The following CD8B variants were observed in gnomAD, a reference collection of about 807,000 sequenced individuals.
CD8B encodes T-cell surface glycoprotein CD8 beta chain.
A neutral mutation model predicts 24.2 loss-of-function variants in CD8B; 6 were observed. The ratio of observed to expected loss-of-function variants is 0.25; its 90% CI spans 0.14 to 0.49. CD8B has a LOEUF of 0.49. CD8B is among the 20% of genes least tolerant of loss of function. CD8B has a pLI of 0.98. For missense variants in CD8B, 196 were observed against 271.3 expected, an observed-to-expected ratio of 0.72 and a Z score of 1.95; for synonymous variants, 84 against 108.3, an observed-to-expected ratio of 0.78 and a Z score of 1.39.
intron 3 of CD8B, among the ~76,000 whole-genome samples, chr2:86,848,322 T>C (rs1034720114): frequency 2.0e-5 from 3 of 152,274 alleles, no homozygotes; most frequent in Admixed American, 1.3e-4. Context: ...GTTATTTCAC[T>C]TAAATTCCCT....
chr2:86,856,586 C>T (rs1454555535), intron 2 of CD8B, among the ~76,000 whole-genome samples: 5 of 151,928 alleles, frequency 3.3e-5, no homozygotes, highest in African/African-American at 1.2e-4. Context: ...GGTCTAATTT[C>T]TGGGTCCCCT....
At chr2:86,829,156 G>A (rs948204074) in intron 5 of CD8B, among the ~76,000 whole-genome samples, 2 of 142,320 alleles carry the variant, frequency 1.4e-5, no homozygotes. Context: ...CTGGAGTGCA[G>A]TGGTGTGATC....
At chr2:86,830,344 G>A (rs1193630540) in intron 5 of CD8B, among the ~76,000 whole-genome samples, 1 of 152,112 alleles carries the variant, frequency 6.6e-6, no homozygotes, top group Non-Finnish European at 1.5e-5. Flanking sequence ...ACTTTGGCGA[G>A]TCAGTTGAGG....
intron 5 of CD8B, among the ~76,000 whole-genome samples, chr2:86,831,272 G>A (rs1674896339): frequency 6.6e-6 from 1 of 152,064 alleles, no homozygotes; most frequent in African/African-American, 2.4e-5. Flanking sequence ...TCACCATATT[G>A]GCCAGGCTGG....
chr2:86,843,312 TCTCA>T, intron 5 of CD8B: 1 of 158,666 alleles, frequency 6.3e-6, no homozygotes, highest in Middle Eastern at 3.2e-3. Context: ...GCCAGGCTGG[TCTCA>T]AACTCCTGAC....
chr2:86,860,175 C>G (rs1676496621), intron 1 of CD8B, among the ~76,000 whole-genome samples: 1 of 152,282 alleles, frequency 6.6e-6, no homozygotes, highest in Admixed American at 6.5e-5. Flanking sequence ...GAGGCTGAGG[C>G]AGGAGAATCG....
chr2:86,843,983 T>G (rs546932702), intron 5 of CD8B, among the ~76,000 whole-genome samples: 2 of 152,346 alleles, frequency 1.3e-5, no homozygotes, highest in South Asian at 4.1e-4. Flanking sequence ...CAAACATTTC[T>G]GTATAGAGGG....
At chr2:86,835,466 G>C (rs923659108), downstream of CD8B, among the ~76,000 whole-genome samples, 1 of 152,072 alleles carries the variant, frequency 6.6e-6, no homozygotes, top group African/African-American at 2.4e-5. Context: ...TGCTGATCAC[G>C]TTTACTGTTG....
chr2:86,853,775 G>C (rs542409111), intron 2 of CD8B, among the ~76,000 whole-genome samples: 93 of 152,038 alleles, frequency 6.1e-4, no homozygotes, highest in East Asian at 5.4e-3. Context: ...GCACGATCTC[G>C]GCTCACTGCA....
At chr2:86,827,686 G>A (rs183311984) in intron 5 of CD8B, among the ~76,000 whole-genome samples, 1 of 152,032 alleles carries the variant, frequency 6.6e-6, no homozygotes, top group East Asian at 1.9e-4. Flanking sequence ...GGGTGTTCAC[G>A]TTTTATTTTG....
At chr2:86,848,087 GA>G (rs1194101219) in intron 3 of CD8B, among the ~76,000 whole-genome samples, 3 of 151,836 alleles carry the variant, frequency 2.0e-5, no homozygotes, top group African/African-American at 4.8e-5. Context: ...TAACTCTGCA[GA>G]AAACAACCTG....
chr2:86,820,351 G>T (rs1674413307), intron 5 of CD8B, among the ~76,000 whole-genome samples: 1 of 152,146 alleles, frequency 6.6e-6, no homozygotes, highest in South Asian at 2.1e-4. Context: ...GGCAAGATTT[G>T]TTGTTGTCCT....
chr2:86,856,761 C>G (rs1490979041), intron 2 of CD8B, among the ~76,000 whole-genome samples: 1 of 150,578 alleles, frequency 6.6e-6, no homozygotes, highest in Non-Finnish European at 1.5e-5. Context: ...GCCACAGGTG[C>G]TGCTGAGCAC....
Position 86,839,308 on chromosome 2 carries a change from A to G in CD8B, c.*2999T>C, listed in dbSNP as rs1378055047. ...ATCTGACCAGTCCCTTTTGATGGAC[A>G]TTTGGATTATTTCCCATTTTTAGCT... On this transcript the variant is annotated 3_prime_UTR_variant, in exon 6 of 6. Coordinates refer to ENST00000390655, the MANE Select transcript of CD8B (RefSeq NM_004931.5). Among the ~76,000 whole-genome samples the G allele has an allele frequency of 6.6e-6, 1 of 152,174 alleles. No homozygotes were observed. Among genetic ancestry groups the G allele is most frequent in the African/African-American group, 2.4e-5 (1 of 41,442 alleles).
At chr2:86,815,899 C>T (rs1674225010) in intron 5 of CD8B, among the ~76,000 whole-genome samples, 1 of 152,172 alleles carries the variant, frequency 6.6e-6, no homozygotes, top group Admixed American at 6.5e-5. Flanking sequence ...AGGATCCAAC[C>T]ACATTTGATT....
At chr2:86,828,073 C>T (rs889770013) in intron 5 of CD8B, among the ~76,000 whole-genome samples, 66 of 152,116 alleles carry the variant, frequency 4.3e-4, no homozygotes, top group African/African-American at 1.5e-3. Context: ...TTAGGCTTAG[C>T]GACCTGCTTA....
intron 1 of CD8B, among the ~76,000 whole-genome samples, chr2:86,859,379 C>T (rs1408130179): frequency 2.0e-5 from 3 of 152,122 alleles, no homozygotes; most frequent in African/African-American, 7.2e-5. Flanking sequence ...AGACCTGGCC[C>T]TGAACCCAGC....
At chr2:86,850,269 G>A (rs912444438) in intron 3 of CD8B, among the ~76,000 whole-genome samples, 5 of 152,036 alleles carry the variant, frequency 3.3e-5, no homozygotes, top group South Asian at 2.1e-4. Flanking sequence ...TCATCTTACC[G>A]GGGCCTCAGG....
Position 86,821,403 on chromosome 2 carries a change from A to G in CD8B, c.621-5685T>C, listed in dbSNP as rs1674461955. 2.0e-5 allele frequency among the ~76,000 whole-genome samples: 3 copies of G among 152,224 alleles called. No homozygotes were observed. In the South Asian group the frequency reaches 6.2e-4, roughly 31 times the overall value. ...AAGAAACCAACAGGAAAAAGAACGC[A>G]CAACTCCCAGCACAGTGCTGGCGCC... On this transcript the variant is annotated intron_variant, in intron 5 of 5. Transcript: ENST00000331469.
Sources: gnomAD v4.1 joint callset for allele counts (sites outside exome capture counted in the v4.1 genomes callset) on GRCh38, gnomAD v4.1.1 for gene constraint, MANE v1.5 for transcripts, NCBI Gene and HGNC (gene_info 2026-07-23, HGNC 2026-07-21) for gene names.